Variants in SLC44A5 observed in about 807,000 individuals in gnomAD.
SLC44A5 encodes solute carrier family 44 member 5.
In SLC44A5, 57 loss-of-function variants were observed where a neutral mutation model predicts 101.8. The observed-to-expected ratio is 0.56, with a 90% CI of 0.45 to 0.70. SLC44A5 has a LOEUF of 0.70. Ranked by LOEUF, SLC44A5 falls within the 30% of genes least tolerant of loss-of-function variation. SLC44A5 has a pLI of 0.00. For missense variants in SLC44A5, 737 were observed against 853.1 expected (o/e 0.86, Z 1.70); for synonymous variants, 281 against 290.9 (o/e 0.97, Z 0.35).
At chr1:75,502,816 T>C (rs1669039353) in intron 2 of SLC44A5, among the ~76,000 whole-genome samples, 1 of 151,960 alleles carries the variant, frequency 6.6e-6, no homozygotes, top group African/African-American at 2.4e-5. Flanking sequence ...AATAGGATTT[T>C]AGCATATTTT....
the SLC44A5 span, among the ~76,000 whole-genome samples, chr1:75,685,271 T>C: frequency 1.3e-4 from 20 of 152,322 alleles, no homozygotes; most frequent in African/African-American, 4.6e-4. Context: ...TGTGAAGACC[T>C]TGGACATGCC....
intron 3 of SLC44A5, among the ~76,000 whole-genome samples, chr1:75,340,246 A>T (rs1195410896): frequency 3.9e-5 from 6 of 152,100 alleles, no homozygotes; most frequent in Admixed American, 1.3e-4. Context: ...GTGATATATT[A>T]CCCTTTTCTT....
intron 4 of SLC44A5, among the ~76,000 whole-genome samples, chr1:75,303,861 G>C (rs533791007): frequency 4.6e-5 from 7 of 152,054 alleles, no homozygotes; most frequent in Non-Finnish European, 1.5e-5. Flanking sequence ...TGTAAATGAC[G>C]AGTTAATGGG....
At chr1:75,533,824 T>G (rs1670854141) in intron 2 of SLC44A5, among the ~76,000 whole-genome samples, 1 of 152,214 alleles carries the variant, frequency 6.6e-6, no homozygotes, top group Admixed American at 6.5e-5. Context: ...GTTGACACAC[T>G]TTTTAACATA....
At chr1:75,516,250 C>T (rs940155835) in intron 2 of SLC44A5, among the ~76,000 whole-genome samples, 1 of 152,134 alleles carries the variant, frequency 6.6e-6, no homozygotes, top group Non-Finnish European at 1.5e-5. Context: ...CGCGGTGGCT[C>T]ACGCCTGTAA....
At chr1:75,246,447 T>C (rs1191965560) in intron 7 of SLC44A5, among the ~76,000 whole-genome samples, 1 of 152,112 alleles carries the variant, frequency 6.6e-6, no homozygotes, top group African/African-American at 2.4e-5. Flanking sequence ...GATCCCCTAC[T>C]CTGAGCCTGT....
chr1:75,389,084 A>G (rs1200282403), intron 3 of SLC44A5, among the ~76,000 whole-genome samples: 1 of 152,192 alleles, frequency 6.6e-6, no homozygotes, highest in Admixed American at 6.5e-5. Context: ...AAGACAAAAA[A>G]AGGGTATTAC....
intron 2 of SLC44A5, among the ~76,000 whole-genome samples, chr1:75,520,701 A>C (rs1228873801): frequency 6.6e-6 from 1 of 152,212 alleles, no homozygotes; most frequent in Non-Finnish European, 1.5e-5. Flanking sequence ...TCGCAAAATG[A>C]AGTAGAATTA....
intron 2 of SLC44A5, among the ~76,000 whole-genome samples, chr1:75,441,613 C>T (rs191701785): frequency 6.6e-6 from 1 of 151,546 alleles, no homozygotes; most frequent in Non-Finnish European, 1.5e-5. Context: ...AATATATTAC[C>T]CAATTACATA....
rs558510854 is a variant in SLC44A5, at chr1:75,501,374, C to T, written c.13+40061G>A. ...GTGCTGAAAGCCTAAAAGACAGTGACAAAATAGATAATAAATCAGATATTT... is the reference window on the plus strand; with the variant it reads ...GTGCTGAAAGCCTAAAAGACAGTGATAAAATAGATAATAAATCAGATATTT... On this transcript the variant is annotated intron_variant, in intron 2 of 23. Transcript: ENST00000370859. Among the ~76,000 whole-genome samples, 55 of 152,230 alleles carry T rather than the reference C, an allele frequency of 3.6e-4. 1 individual carries two copies. Among genetic ancestry groups the T allele is most frequent in the African/African-American group, 1.3e-3 (52 of 41,558 alleles).
At chr1:75,559,667 A>G (rs1672411786) in intron 1 of SLC44A5, among the ~76,000 whole-genome samples, 1 of 152,184 alleles carries the variant, frequency 6.6e-6, no homozygotes, top group Admixed American at 6.6e-5. Flanking sequence ...ATAAGCAACA[A>G]AAGAAAAACT....
At chr1:75,579,100 T>A (rs754302295) in intron 1 of SLC44A5, among the ~76,000 whole-genome samples, 2 of 152,120 alleles carry the variant, frequency 1.3e-5, no homozygotes, top group Non-Finnish European at 2.9e-5. Flanking sequence ...AAATCCACAG[T>A]TTAAATTGCT....
chr1:75,544,526 C>CACACACACACACAA (rs199691628), intron 1 of SLC44A5, among the ~76,000 whole-genome samples: 20 of 149,536 alleles, frequency 1.3e-4, no homozygotes, highest in African/African-American at 4.9e-4. Flanking sequence ...CACACACACA[C>CACACACACACACAA]AACAAAATAC....
chr1:75,424,955 C>T (rs1858630), intron 2 of SLC44A5, among the ~76,000 whole-genome samples: 14,970 of 152,184 alleles, frequency 0.098, 909 homozygotes, highest in Admixed American at 0.19. Context: ...ATACTAAATA[C>T]ATTTCCCAAC....
At chr1:75,536,452 T>C (rs1279277360) in intron 2 of SLC44A5, among the ~76,000 whole-genome samples, 1 of 147,248 alleles carries the variant, frequency 6.8e-6, no homozygotes, top group African/African-American at 2.5e-5. Context: ...ACAAAAAAAA[T>C]TGGCTGGGCA....
At chr1:75,630,212 T>C in the SLC44A5 span, among the ~76,000 whole-genome samples, 2 of 152,150 alleles carry the variant, frequency 1.3e-5, no homozygotes, top group African/African-American at 4.8e-5. Flanking sequence ...CCTTTGTGGG[T>C]TTCTCATCAA....
At chr1:75,512,710 C>T (rs1330764679) in intron 2 of SLC44A5, among the ~76,000 whole-genome samples, 1 of 152,040 alleles carries the variant, frequency 6.6e-6, no homozygotes, top group Non-Finnish European at 1.5e-5. Flanking sequence ...ACACGTAGTA[C>T]CCATTGTAAT....
At chr1:75,654,569 G>C in the SLC44A5 span, among the ~76,000 whole-genome samples, 2 of 152,108 alleles carry the variant, frequency 1.3e-5, no homozygotes, top group Admixed American at 6.6e-5. Flanking sequence ...CAGAAATACT[G>C]CTCTTTAAAA....
Position 75,309,926 on chromosome 1 carries a change from T to C in SLC44A5, c.102-9241A>G, listed in dbSNP as rs1441403618. ...CCAAAGTAGTACGAAAATTCTTTTTTGTGAATATTTGCCAACCTATTTTAT... is the reference window on the plus strand; with the variant it reads ...CCAAAGTAGTACGAAAATTCTTTTTCGTGAATATTTGCCAACCTATTTTAT... On this transcript the variant is annotated intron_variant, in intron 4 of 23. Coordinates refer to ENST00000370859, the MANE Select transcript of SLC44A5 (RefSeq NM_001130058.2). Among the ~76,000 whole-genome samples the C allele has an allele frequency of 4.6e-5, 7 of 152,350 alleles. No homozygotes were observed. The East Asian group carries it at 1.3e-3, about 29-fold the overall frequency.
Sources: allele counts gnomAD v4.1 joint callset (sites outside exome capture counted in the v4.1 genomes callset), GRCh38; gene constraint gnomAD v4.1.1; transcripts MANE v1.5; gene names NCBI Gene and HGNC (gene_info 2026-07-23, HGNC 2026-07-21).